EXOC6B: variants seen among roughly 807,000 people sequenced by gnomAD.
EXOC6B encodes the protein SEC15 homolog B.
EXOC6B carries 54 observed loss-of-function variants against 113.5 expected under a neutral mutation model. The ratio of observed to expected loss-of-function variants is 0.48; its 90% confidence interval spans 0.38 to 0.60. The LOEUF (loss-of-function observed/expected upper bound fraction) is 0.60, where lower values mean the gene tolerates loss of function less well. Ranked by LOEUF, EXOC6B falls within the 20% of genes least tolerant of loss-of-function variation. EXOC6B has a pLI of 0.00. For synonymous variants in EXOC6B, 357 were observed against 339.0 expected (o/e 1.05, Z -0.58); for missense variants, 797 against 977.5 (o/e 0.82, Z 2.46).
intron 8 of EXOC6B, among the ~76,000 whole-genome samples, chr2:72,551,565 C>T (rs1487067064): frequency 6.7e-6 from 1 of 148,738 alleles, no homozygotes; most frequent in Non-Finnish European, 1.5e-5. Context: ...AGTGCAGTGG[C>T]GCGATCTCGG....
At chr2:72,318,356 T>C (rs1322310781) in intron 20 of EXOC6B, among the ~76,000 whole-genome samples, 1 of 152,140 alleles carries the variant, frequency 6.6e-6, no homozygotes, top group Non-Finnish European at 1.5e-5. Flanking sequence ...TTCACGCTAC[T>C]CATTTGGCAC....
chr2:72,593,661 G>T (rs1236592864), intron 6 of EXOC6B, among the ~76,000 whole-genome samples: 6 of 140,920 alleles, frequency 4.3e-5, no homozygotes, highest in African/African-American at 1.6e-4. Flanking sequence ...AAAAAAAAGA[G>T]GAAGGAGATA....
At chr2:72,285,252 T>C (rs781526595) in intron 20 of EXOC6B, among the ~76,000 whole-genome samples, 1 of 152,104 alleles carries the variant, frequency 6.6e-6, no homozygotes, top group Non-Finnish European at 1.5e-5. Context: ...GGCAGTGTGG[T>C]ATTGGTGAAT....
chr2:72,559,492 G>A lies in EXOC6B; in HGVS notation c.876C>T (p.Phe292=), dbSNP rs1334680455. The change falls in exon 8 of 22, where the codon TTC becomes TTT. Residue 292 remains phenylalanine, a synonymous_variant. Transcript: ENST00000272427. ...EVPGAQDLVD[F]SPVYRCLHIY... is the part of the protein sequence containing the mutation. ...TATGTAGACATCGATAAACTGGAGA[G>A]AAATCCACCAAATCTTGGGCCCCAG... The A allele has an allele frequency of 6.2e-7, 1 of 1,612,812 alleles. No individual in the cohort carries two copies. Among genetic ancestry groups the A allele is most frequent in the Non-Finnish European group, 8.5e-7 (1 of 1,179,474 alleles).
At chr2:72,717,178 G>A (rs1376477072) in intron 6 of EXOC6B, among the ~76,000 whole-genome samples, 2 of 152,114 alleles carry the variant, frequency 1.3e-5, no homozygotes, top group Admixed American at 1.3e-4. Context: ...TGAGGAAAGG[G>A]TAACTGGAGA....
At chr2:72,693,936 G>C (rs184580661) in intron 6 of EXOC6B, among the ~76,000 whole-genome samples, 1 of 151,596 alleles carries the variant, frequency 6.6e-6, no homozygotes, top group East Asian at 1.9e-4. Flanking sequence ...TCCCTTTAAG[G>C]AACTGATGGT....
At chr2:72,764,364 C>CTTTTTTTTTTTTTT (rs397869115) in intron 1 of EXOC6B, among the ~76,000 whole-genome samples, 5 of 66,770 alleles carry the variant, frequency 7.5e-5, no homozygotes, top group African/African-American at 1.6e-4. Flanking sequence ...TATTTTCTCT[C>CTTTTTTTTTTTTTT]TTTTTTTTTT....
intron 6 of EXOC6B, among the ~76,000 whole-genome samples, chr2:72,692,354 C>CTT (rs764598639): frequency 4.2e-5 from 6 of 141,278 alleles, no homozygotes; most frequent in East Asian, 4.1e-4. Context: ...TCACCATATT[C>CTT]TTTTTTTTTT....
intron 6 of EXOC6B, among the ~76,000 whole-genome samples, chr2:72,689,247 T>C (rs1677313085): frequency 6.6e-6 from 1 of 152,198 alleles, no homozygotes; most frequent in African/African-American, 2.4e-5. Flanking sequence ...GCAACCTGAA[T>C]GTCTCCTAGG....
intron 20 of EXOC6B, among the ~76,000 whole-genome samples, chr2:72,331,126 C>T (rs1251221329): frequency 1.3e-5 from 2 of 152,098 alleles, no homozygotes; most frequent in Non-Finnish European, 2.9e-5. Context: ...CTAACTGAAA[C>T]ATACATAATG....
chr2:72,525,218 T>C (rs1487109272), intron 8 of EXOC6B, among the ~76,000 whole-genome samples: 1 of 152,256 alleles, frequency 6.6e-6, no homozygotes, highest in Non-Finnish European at 1.5e-5. Flanking sequence ...TTGGCCTTTG[T>C]AATTAGCTTC....
intron 19 of EXOC6B, among the ~76,000 whole-genome samples, chr2:72,349,480 A>C (rs1254221850): frequency 6.6e-6 from 1 of 152,202 alleles, no homozygotes; most frequent in African/African-American, 2.4e-5. Context: ...GGCGAGAAGT[A>C]CTGGAGATTG....
chr2:72,238,307 T>C (rs1403008642), intron 20 of EXOC6B, among the ~76,000 whole-genome samples: 1 of 152,254 alleles, frequency 6.6e-6, no homozygotes, highest in African/African-American at 2.4e-5. Context: ...CATTAATCAG[T>C]TCATGGCCAT....
chr2:72,641,819 C>T (rs988692281), intron 6 of EXOC6B, among the ~76,000 whole-genome samples: 1 of 140,390 alleles, frequency 7.1e-6, no homozygotes, highest in Non-Finnish European at 1.6e-5. Context: ...TAGCGGCCGA[C>T]TGACACCTCA....
intron 1 of EXOC6B, among the ~76,000 whole-genome samples, chr2:72,815,358 T>C (rs1374606998): frequency 6.6e-6 from 1 of 151,112 alleles, no homozygotes; most frequent in Non-Finnish European, 1.5e-5. Context: ...GGACGTGGTG[T>C]CGCGCACCTG....
chr2:72,803,022 C>A (rs1314907668), intron 1 of EXOC6B, among the ~76,000 whole-genome samples: 3 of 152,228 alleles, frequency 2.0e-5, no homozygotes, highest in African/African-American at 4.8e-5. Context: ...AATTTAAACT[C>A]CTCTTGGAAT....
At chr2:72,280,254 C>T (rs557499630) in intron 20 of EXOC6B, among the ~76,000 whole-genome samples, 1 of 152,076 alleles carries the variant, frequency 6.6e-6, no homozygotes, top group East Asian at 1.9e-4. Context: ...ATGAAGCAGG[C>T]ATCACTTATG....
chr2:72,446,232 T>A (rs978532417), intron 18 of EXOC6B, among the ~76,000 whole-genome samples: 1 of 151,950 alleles, frequency 6.6e-6, no homozygotes, highest in African/African-American at 2.4e-5. Flanking sequence ...TAAATCAACC[T>A]AAATGCACAT....
chr2:72,577,738 C>G (rs1478490159), intron 6 of EXOC6B, among the ~76,000 whole-genome samples: 3 of 151,702 alleles, frequency 2.0e-5, no homozygotes, highest in Non-Finnish European at 4.4e-5. Context: ...AGAAAAAGCC[C>G]TTCAGAGATC....
Sources: gnomAD v4.1 joint callset for allele counts (sites outside exome capture counted in the v4.1 genomes callset) on GRCh38, gnomAD v4.1.1 for gene constraint, MANE v1.5 for transcripts, NCBI Gene and HGNC (gene_info 2026-07-23, HGNC 2026-07-21) for gene names.